Variants in INAFM1 observed in about 807,000 individuals in gnomAD.
INAFM1 encodes the protein putative transmembrane protein INAFM1.
INAFM1 carries 11 observed loss-of-function variants against 9.4 expected under a neutral mutation model. The ratio of observed to expected loss-of-function variants is 1.17; its 90% CI spans 0.74 to 1.94. INAFM1 has a LOEUF of 1.94. Among genes scored for constraint, INAFM1 ranks in the 30% most tolerant of loss-of-function variants. The probability of loss-of-function intolerance (pLI) is 0.00; values close to 1 mark genes in which losing one functional copy is unlikely to be tolerated. For synonymous variants in INAFM1, 161 were observed against 109.5 expected, an observed-to-expected ratio of 1.47 and a Z score of -2.94; for missense variants, 318 against 221.6, an observed-to-expected ratio of 1.44 and a Z score of -2.76.
rs775587119 is a variant in INAFM1 at position 47,274,934 on chromosome 19, C to G, written c.15C>G (p.Ser5Arg). The G allele has an allele frequency of 7.5e-7, 1 of 1,337,020 alleles. No individual in the cohort carries two copies. The allele number at this position is 1,337,020 out of a possible 1,614,324, so 82.8% of individuals were successfully genotyped here. A position where few individuals can be genotyped will look rare whatever the true frequency, so the allele number is the denominator to read the frequency against. ...GGGCTGCGGGGATGCGGGGGACCAG[C>G]TGCGTGGGCGGCGGCGCCGAGAGCC... MRGT[S>R]CVGGGAESPG... Residue 5 changes from serine to arginine, a missense_variant, in exon 1 of 1, where the codon AGC becomes AGG. Ser to Arg is a moderately radical substitution (Grantham distance 110, BLOSUM62 -1). Transcript: ENST00000552360.
rs2059147214 is a variant in INAFM1 at position 47,274,940 on chromosome 19, G to GGGC, written c.29_31dup (p.Gly10dup). On this transcript the variant is annotated inframe_insertion, in exon 1 of 1. Coordinates refer to ENST00000552360, the MANE Select transcript of INAFM1 (RefSeq NM_178511.6). ...CGGGGATGCGGGGGACCAGCTGCGT[G>GGGC]GGCGGCGGCGCCGAGAGCCCCGGAG... 1 of 1,349,694 alleles carries GGGC rather than the reference G, an allele frequency of 7.4e-7. No individual in the cohort carries two copies. Among genetic ancestry groups the GGGC allele is most frequent in the Non-Finnish European group, 9.4e-7 (1 of 1,060,814 alleles). The allele number at this position is 1,349,694 out of a possible 1,614,324, so 83.6% of individuals were successfully genotyped here.
Position 47,274,974 on chromosome 19 carries a change from C to T in INAFM1, c.55C>T (p.Leu19=), listed in dbSNP as rs1424316923. ...CGCCGAGAGCCCCGGAGGCGCGGGG[C>T]TGAGCGAGGGCCCGCGGGGGCGCTG... is the stretch of plus-strand genomic sequence containing the variant. ...GGAESPGGAG[L]SEGPRGRWLR... is the part of the protein sequence containing the mutation. Residue 19 remains leucine, a synonymous_variant, in exon 1 of 1, where the codon CTG becomes TTG. Coordinates refer to ENST00000552360, the MANE Select transcript of INAFM1 (RefSeq NM_178511.6). The T allele has an allele frequency of 1.4e-6, 2 of 1,451,102 alleles. No homozygotes were observed. Among genetic ancestry groups the T allele is most frequent in the South Asian group, 2.6e-5 (2 of 75,516 alleles). 89.9% of individuals were successfully genotyped at this position (1,451,102 alleles called of 1,614,324 possible). A position where few individuals can be genotyped will look rare whatever the true frequency, so the allele number is the denominator to read the frequency against.
Position 47,275,159 on chromosome 19 carries a change from G to C in INAFM1, c.240G>C (p.Pro80=). 2 of 1,478,548 alleles carry C rather than the reference G, an allele frequency of 1.4e-6. No homozygotes were observed. Among genetic ancestry groups the C allele is most frequent in the Non-Finnish European group, 1.8e-6 (2 of 1,119,888 alleles). 91.6% of individuals were successfully genotyped at this position (1,478,548 alleles called of 1,614,324 possible). A position where few individuals can be genotyped will look rare whatever the true frequency, so the allele number is the denominator to read the frequency against. ...SAPSPPCAAR[P]GVPPVPAPAA... ...CGTCCCCTCCGTGTGCTGCCCGCCC[G>C]GGCGTGCCGCCTGTCCCGGCGCCCG... The change falls in exon 1 of 1, where the codon CCG becomes CCC. Residue 80 remains proline (P), a synonymous_variant. Transcript: ENST00000552360.
rs759124478 is a variant in INAFM1, at chr19:47,275,351, C to G, written c.*3C>G. On this transcript the variant is annotated 3_prime_UTR_variant, in exon 1 of 1. Transcript: ENST00000552360. ...CGGAGGGGCGAAGACCCGGGTAACT[C>G]TCCCTTCCACCCCAACCCGGATCGC... The G allele has an allele frequency of 4.8e-5, 74 of 1,538,216 alleles. No homozygotes were observed. In the African/African-American group the frequency reaches 7.7e-4, roughly 16 times the overall value.
upstream of INAFM1, chr19:47,274,801 G>T (rs868207831): frequency 1.4e-3 from 956 of 699,810 alleles, 9 homozygotes; most frequent in African/African-American, 0.018. Context: ...GACCATGCTG[G>T]CGGGGGCGGG....
At chr19:47,274,883 G>A (rs1217121965), upstream of INAFM1, 10 of 1,245,196 alleles carry the variant, frequency 8.0e-6, no homozygotes, top group Non-Finnish European at 1.0e-5. Flanking sequence ...GGCGGGGCCT[G>A]TGCGGTCTGC....
At position 47,275,159 on chromosome 19, in the gene INAFM1, GGGCGTGCCGCCTGTCCC is replaced by G; in HGVS notation, c.245_261del (p.Val82AlafsTer34). On this transcript the variant is annotated frameshift_variant, in exon 1 of 1. Coordinates refer to ENST00000552360, the MANE Select transcript of INAFM1 (RefSeq NM_178511.6). LOFTEE classifies it high-confidence loss of function. ...CGTCCCCTCCGTGTGCTGCCCGCCC[GGGCGTGCCGCCTGTCCC>G]GGCGCCCGCCGCTGCCTCCCTCTCC... 2.0e-6 allele frequency: 3 copies of G among 1,478,548 alleles called. No individual in the cohort carries two copies. Among genetic ancestry groups the G allele is most frequent in the Non-Finnish European group, 2.7e-6 (3 of 1,119,888 alleles). The allele number at this position is 1,478,548 out of a possible 1,614,324, so 91.6% of individuals were successfully genotyped here.
chr19:47,275,125 C>T lies in INAFM1; in HGVS notation c.206C>T (p.Pro69Leu). 6.7e-7 allele frequency: 1 copy of T among 1,492,080 alleles called. No homozygotes were observed. The highest frequency in any genetic ancestry group is 1.3e-5 in the South Asian group (1 of 78,976). 92.4% of individuals were successfully genotyped at this position (1,492,080 alleles called of 1,614,324 possible). ...RSPAAPAGPQ[P>L]SAPSPPCAAR... ...CCCGCGGCACCCGCCGGCCCACAGC[C>T]CAGCGCGCCGTCCCCTCCGTGTGCT... Residue 69 changes from proline (P) to leucine (L), a missense_variant, in exon 1 of 1, where the codon CCC (proline) becomes CTC (leucine). Transcript: ENST00000552360.
rs1051794744 is a variant in INAFM1, at chr19:47,275,390, C to T, written c.*42C>T. ...AACCCGGATCGCCAGCCCTCGAGAG[C>T]TCTGTGCTCCACGCCGAGGATGCAC... On this transcript the variant is annotated 3_prime_UTR_variant, in exon 1 of 1. Transcript: ENST00000552360. 1.1e-5 allele frequency: 16 copies of T among 1,521,332 alleles called. No individual in the cohort carries two copies. In the Admixed American group the frequency reaches 1.3e-4, roughly 12 times the overall value. 94.2% of individuals were successfully genotyped at this position (1,521,332 alleles called of 1,614,324 possible).
Position 47,275,219 on chromosome 19 carries a change from CG to C in INAFM1, c.302del (p.Gly101AlafsTer11). ...CCCTCTCCTGCCTCCTGGGAGTCCCCGGCGGGCCGCGACCCCAGCTCCAGCT... is the reference window on the plus strand; with the variant it reads ...CCCTCTCCTGCCTCCTGGGAGTCCCCGCGGGCCGCGACCCCAGCTCCAGCT... ...ASLSCLLGVP[G>X]GPRPQLQLPL... is the part of the protein sequence containing the mutation. On this transcript the variant is annotated frameshift_variant, in exon 1 of 1. Transcript: ENST00000552360. LOFTEE classifies it high-confidence loss of function. The C allele has an allele frequency of 6.5e-7, 1 of 1,528,784 alleles. No homozygotes were observed. Among genetic ancestry groups the C allele is most frequent in the Non-Finnish European group, 8.8e-7 (1 of 1,138,810 alleles). 94.7% of individuals were successfully genotyped at this position (1,528,784 alleles called of 1,614,324 possible). A position where few individuals can be genotyped will look rare whatever the true frequency, so the allele number is the denominator to read the frequency against.
In INAFM1 at chr19:47,275,130, G is replaced by T; in HGVS notation, c.211G>T (p.Ala71Ser). The T allele has an allele frequency of 6.7e-7, 1 of 1,490,522 alleles. No homozygotes were observed. 92.3% of individuals were successfully genotyped at this position (1,490,522 alleles called of 1,614,324 possible). A position where few individuals can be genotyped will look rare whatever the true frequency, so the allele number is the denominator to read the frequency against. The change falls in exon 1 of 1, where the codon GCG becomes TCG. Residue 71 changes from alanine to serine, a missense_variant. By Grantham distance (99) the Ala-to-Ser change is moderately conservative. Transcript: ENST00000552360. The part of the protein sequence containing the change: ...PAAPAGPQPS[A>S]PSPPCAARPG... ...GGCACCCGCCGGCCCACAGCCCAGC[G>T]CGCCGTCCCCTCCGTGTGCTGCCCG...
Position 47,275,709 on chromosome 19 carries a change from G to A in INAFM1, c.*361G>A, listed in dbSNP as rs1488859613. On this transcript the variant is annotated 3_prime_UTR_variant, in exon 1 of 1. Coordinates refer to ENST00000552360, the MANE Select transcript of INAFM1 (RefSeq NM_178511.6). Reference sequence around the variant, plus strand: ...GCCTCGGCTGCCTCGTGCTGTGTCTGTCCTGTTGTCTGCAGAGATGCCTCC... The same window carrying A: ...GCCTCGGCTGCCTCGTGCTGTGTCTATCCTGTTGTCTGCAGAGATGCCTCC... 3.4e-6 allele frequency: 1 copy of A among 294,934 alleles called. No homozygotes were observed. Among genetic ancestry groups the A allele is most frequent in the Non-Finnish European group, 6.7e-6 (1 of 149,106 alleles). The allele number at this position is 294,934 out of a possible 1,614,324, so 18.3% of individuals were successfully genotyped here.
At position 47,275,009 on chromosome 19, in the gene INAFM1, G is replaced by A; in HGVS notation, c.90G>A (p.Leu30=). 8 of 1,478,058 alleles carry A rather than the reference G, an allele frequency of 5.4e-6. No individual in the cohort carries two copies. Among genetic ancestry groups the A allele is most frequent in the Non-Finnish European group, 7.1e-6 (8 of 1,118,984 alleles). 91.6% of individuals were successfully genotyped at this position (1,478,058 alleles called of 1,614,324 possible). A position where few individuals can be genotyped will look rare whatever the true frequency, so the allele number is the denominator to read the frequency against. ...SEGPRGRWLR[L]APVCAYFLCV... ...GCCCGCGGGGGCGCTGGCTGCGCTT[G>A]GCTCCGGTATGCGCCTACTTCCTCT... Residue 30 remains leucine (L), a synonymous_variant, in exon 1 of 1, where the codon TTG becomes TTA. Transcript: ENST00000552360.
In INAFM1 at chr19:47,275,414, A is replaced by G. The variant is rs890355755; in HGVS notation, c.*66A>G. ...GCTCTGTGCTCCACGCCGAGGATGCACCGTCTCTGGATTGGTCCGGCCTTC... is the reference window on the plus strand; with the variant it reads ...GCTCTGTGCTCCACGCCGAGGATGCGCCGTCTCTGGATTGGTCCGGCCTTC... On this transcript the variant is annotated 3_prime_UTR_variant, in exon 1 of 1. Transcript: ENST00000552360. 84 of 1,499,386 alleles carry G rather than the reference A, an allele frequency of 5.6e-5. No individual in the cohort carries two copies. The African/African-American group carries it at 8.6e-4, about 15-fold the overall frequency. 92.9% of individuals were successfully genotyped at this position (1,499,386 alleles called of 1,614,324 possible).
upstream of INAFM1, chr19:47,274,829 TAG>T: frequency 1.2e-6 from 1 of 864,850 alleles, no homozygotes; most frequent in South Asian, 6.3e-5. Context: ...GCGGGCGGTT[TAG>T]AGAGCGGGGC....
Position 47,274,897 on chromosome 19 carries a change from G to A in INAFM1, c.-23G>A. On this transcript the variant is annotated 5_prime_UTR_variant, in exon 1 of 1. Coordinates refer to ENST00000552360, the MANE Select transcript of INAFM1 (RefSeq NM_178511.6). Reference sequence around the variant, plus strand: ...GGGCGGGGCCTGTGCGGTCTGCGGCGCGGAGCCGAGTGGGCTGCGGGGATG... The same window carrying A: ...GGGCGGGGCCTGTGCGGTCTGCGGCACGGAGCCGAGTGGGCTGCGGGGATG... The A allele has an allele frequency of 1.6e-6, 2 of 1,270,964 alleles. No individual in the cohort carries two copies. Among genetic ancestry groups the A allele is most frequent in the Non-Finnish European group, 2.0e-6 (2 of 1,017,562 alleles). The allele number at this position is 1,270,964 out of a possible 1,614,324, so 78.7% of individuals were successfully genotyped here.
Position 47,275,467 on chromosome 19 carries a change from G to A in INAFM1, c.*119G>A. ...CCTAATGACATCGCTCAGCGTCTCT[G>A]GAGCCGTCATCCCGCGGAATGGGGG... On this transcript the variant is annotated 3_prime_UTR_variant, in exon 1 of 1. Transcript: ENST00000552360. The A allele has an allele frequency of 1.5e-6, 2 of 1,360,260 alleles. No individual in the cohort carries two copies. Among genetic ancestry groups the A allele is most frequent in the Non-Finnish European group, 1.9e-6 (2 of 1,033,886 alleles). The allele number at this position is 1,360,260 out of a possible 1,614,324, so 84.3% of individuals were successfully genotyped here.
In INAFM1 at chr19:47,275,574, A is replaced by G. The variant is rs2059155122; in HGVS notation, c.*226A>G. ...GGTCCTCCACCATCAGGAAGATCCC[A>G]TCCTGAGCTCTGTCTCCTGCCCCTC... On this transcript the variant is annotated 3_prime_UTR_variant, in exon 1 of 1. Coordinates refer to ENST00000552360, the MANE Select transcript of INAFM1 (RefSeq NM_178511.6). 2.2e-5 allele frequency: 13 copies of G among 590,218 alleles called. No homozygotes were observed. In the South Asian group the frequency reaches 3.0e-4, roughly 13 times the overall value. 36.6% of individuals were successfully genotyped at this position (590,218 alleles called of 1,614,324 possible).
At position 47,275,103 on chromosome 19, in the gene INAFM1, G is replaced by C. The variant is rs1474558452; in HGVS notation, c.184G>C (p.Ala62Pro). ...CATCTGGGTACCCACGCGGTCTCCC[G>C]CGGCACCCGCCGGCCCACAGCCCAG... Reference protein sequence around the residue: ...GLIWVPTRSPAAPAGPQPSAP... With the variant: ...GLIWVPTRSPPAPAGPQPSAP... The change falls in exon 1 of 1, where the codon GCG (alanine) becomes CCG (proline). Residue 62 changes from alanine to proline, a missense_variant. By Grantham distance (27) the Ala-to-Pro change is conservative. Transcript: ENST00000552360. 1.3e-6 allele frequency: 2 copies of C among 1,493,250 alleles called. No homozygotes were observed. The highest frequency in any genetic ancestry group is 5.7e-5 in the East Asian group (2 of 35,102). The allele number at this position is 1,493,250 out of a possible 1,614,324, so 92.5% of individuals were successfully genotyped here.
Sources: allele counts gnomAD v4.1 joint callset, GRCh38; gene constraint gnomAD v4.1.1; transcripts MANE v1.5; gene names NCBI Gene and HGNC (gene_info 2026-07-23, HGNC 2026-07-21).